Variants in MIA2 observed in about 807,000 individuals in gnomAD.
MIA2 encodes MIA SH3 domain ER export factor 2.
In MIA2, 127 loss-of-function variants were observed where a neutral mutation model predicts 167.8. The ratio of observed to expected loss-of-function variants is 0.76; its 90% CI spans 0.66 to 0.88. The LOEUF (loss-of-function observed/expected upper bound fraction) is 0.88. MIA2 is among the 40% of genes least tolerant of loss of function. MIA2 has a pLI of 0.00. For synonymous variants in MIA2, 552 were observed against 541.9 expected (o/e 1.02, Z -0.26); for missense variants, 1,690 against 1,624.7 (o/e 1.04, Z -0.69).
rs1354224096 is a variant in MIA2, at chr14:39,246,896, A to AT, written c.337-9dup. On this transcript the variant is annotated splice_polypyrimidine_tract_variant and intron_variant, in intron 3 of 28. Coordinates refer to ENST00000640607, the MANE Select transcript of MIA2 (RefSeq NM_001329214.4). ...GTACATTCATGTTAATCATATATATATTTTTTCCTTTTAGGAATCTGACTT... is the reference window on the plus strand; with the variant it reads ...GTACATTCATGTTAATCATATATATATTTTTTTCCTTTTAGGAATCTGACTT... 3 of 1,391,142 alleles carry AT rather than the reference A, an allele frequency of 2.2e-6. No individual in the cohort carries two copies. Among genetic ancestry groups the AT allele is most frequent in the Non-Finnish European group, 2.9e-6 (3 of 1,030,452 alleles). 86.2% of individuals were successfully genotyped at this position (1,391,142 alleles called of 1,614,324 possible). A position where few individuals can be genotyped will look rare whatever the true frequency, so the allele number is the denominator to read the frequency against.
chr14:39,283,184 ATGC>A (rs1768351536), intron 9 of MIA2, among the ~76,000 whole-genome samples: 1 of 152,240 alleles, frequency 6.6e-6, no homozygotes, highest in South Asian at 2.1e-4. Context: ...ACTGTGAATA[ATGC>A]TGCAGTGAAC....
chr14:39,300,590 T>G (rs2062228783), intron 14 of MIA2, among the ~76,000 whole-genome samples: 1 of 144,970 alleles, frequency 6.9e-6, no homozygotes, highest in Admixed American at 7.4e-5. Flanking sequence ...AAAGTGATGC[T>G]CTCACTCATA....
chr14:39,372,467 G>T (rs1595955919), intron 23 of MIA2, among the ~76,000 whole-genome samples: 1 of 152,292 alleles, frequency 6.6e-6, no homozygotes, highest in East Asian at 1.9e-4. Flanking sequence ...GTATATAATA[G>T]AAGTTCAGTT....
chr14:39,344,003 G>C (rs1198292681), intron 25 of MIA2, among the ~76,000 whole-genome samples: 2 of 151,910 alleles, frequency 1.3e-5, no homozygotes, highest in Admixed American at 1.3e-4. Context: ...CTTTTATTAA[G>C]ACATTAATCA....
At chr14:39,361,340 C>T (rs1159464850) in intron 23 of MIA2, among the ~76,000 whole-genome samples, 1 of 151,842 alleles carries the variant, frequency 6.6e-6, no homozygotes, top group African/African-American at 2.4e-5. Context: ...TGTAGTTTTC[C>T]TTGTGAAGGC....
chr14:39,247,279 A>AT lies in MIA2; in HGVS notation c.705_706insT (p.Glu236Ter). ...TTGGATTGGGAGGAGAACAAGCTGA[A>AT]GAGAAGGCTTTTGAATCAGTTATTG... On this transcript the variant is annotated frameshift_variant, in exon 4 of 29. Coordinates refer to ENST00000640607, the MANE Select transcript of MIA2 (RefSeq NM_001329214.4). LOFTEE classifies it high-confidence loss of function. 2 of 1,613,940 alleles carry AT rather than the reference A, an allele frequency of 1.2e-6. No individual in the cohort carries two copies. The highest frequency in any genetic ancestry group is 2.2e-5 in the South Asian group (2 of 91,018).
At chr14:39,288,983 T>A (rs1466771770) in intron 9 of MIA2, among the ~76,000 whole-genome samples, 1 of 152,210 alleles carries the variant, frequency 6.6e-6, no homozygotes, top group African/African-American at 2.4e-5. Context: ...GATGCTGGAC[T>A]CATAAAATGT....
At chr14:39,274,602 T>A (rs1210250297) in intron 6 of MIA2, among the ~76,000 whole-genome samples, 2 of 150,352 alleles carry the variant, frequency 1.3e-5, no homozygotes, top group African/African-American at 4.9e-5. Context: ...ATTTTTGTAT[T>A]TTTGGTAGAG....
At chr14:39,324,614 ATTTTTT>A in intron 24 of MIA2, among the ~76,000 whole-genome samples, 1 of 147,894 alleles carries the variant, frequency 6.8e-6, no homozygotes, top group East Asian at 2.0e-4. Context: ...TTTTTTTTTT[ATTTTTT>A]TTTTTTGAGA....
At chr14:39,310,998 A>G (rs2064141317) in intron 18 of MIA2, among the ~76,000 whole-genome samples, 1 of 152,214 alleles carries the variant, frequency 6.6e-6, no homozygotes, top group African/African-American at 2.4e-5. Flanking sequence ...GATTGAGGTG[A>G]AAGAAATATT....
Position 39,298,443 on chromosome 14 carries a change from A to ATGT in MIA2, c.2497-1421_2497-1420insTGT, listed in dbSNP as rs1372100362. On this transcript the variant is annotated intron_variant, in intron 13 of 28. Transcript: ENST00000640607. Reference sequence around the variant, plus strand: ...TATATATATATATATATATATATATAAAGATTAGTTTTTCATGTGTTCGGA... The same window carrying ATGT: ...TATATATATATATATATATATATATATGTAAGATTAGTTTTTCATGTGTTCGGA... Among the ~76,000 whole-genome samples the ATGT allele has an allele frequency of 3.1e-3, 154 of 50,030 alleles. 23 individuals carry two copies. Among genetic ancestry groups the ATGT allele is most frequent in the Middle Eastern group, 0.028 (3 of 106 alleles). 32.8% of individuals were successfully genotyped at this position (50,030 alleles called of 152,430 possible).
intron 9 of MIA2, among the ~76,000 whole-genome samples, chr14:39,286,480 C>T (rs191198188): frequency 4.1e-4 from 62 of 152,086 alleles, no homozygotes; most frequent in African/African-American, 1.3e-3. Context: ...TTCTAGATTT[C>T]GTTTTTGGCT....
At chr14:39,341,574 T>C (rs1306649354) in intron 25 of MIA2, among the ~76,000 whole-genome samples, 2 of 152,002 alleles carry the variant, frequency 1.3e-5, no homozygotes, top group African/African-American at 4.8e-5. Context: ...GGGTGGAGGG[T>C]AAGTGGAGGT....
Position 39,277,707 on chromosome 14 carries a change from TA to T in MIA2, c.2019+643del, listed in dbSNP as rs2058273756. On this transcript the variant is annotated intron_variant, in intron 7 of 28. Coordinates refer to ENST00000640607, the MANE Select transcript of MIA2 (RefSeq NM_001329214.4). The stretch of plus-strand genomic sequence containing the variant: ...ATATATGTGTGTATATATATATATA[TA>T]TATATATGTGTGTATATATATATAT... Among the ~76,000 whole-genome samples, 2 of 6,192 alleles carry T rather than the reference TA, an allele frequency of 3.2e-4. 1 individual carries two copies. The highest frequency in any genetic ancestry group is 5.5e-4 in the Non-Finnish European group (2 of 3,648). 4.1% of individuals were successfully genotyped at this position (6,192 alleles called of 152,430 possible).
chr14:39,337,775 T>C lies in MIA2; in HGVS notation c.3656-8129T>C, dbSNP rs977874912. Among the ~76,000 whole-genome samples, 4 of 152,130 alleles carry C rather than the reference T, an allele frequency of 2.6e-5. No individual in the cohort carries two copies. The South Asian group carries it at 6.2e-4, about 24-fold the overall frequency. ...CTCTGTCACCCAGGCTGGAGTGCTG[T>C]GGTGTAATCTCGGCTCACTGCAACC... On this transcript the variant is annotated intron_variant, in intron 25 of 28. Coordinates refer to ENST00000640607, the MANE Select transcript of MIA2 (RefSeq NM_001329214.4).
At chr14:39,355,061 T>G (rs1386970132), downstream of MIA2, among the ~76,000 whole-genome samples, 1 of 105,042 alleles carries the variant, frequency 9.5e-6, no homozygotes, top group Admixed American at 1.0e-4. Flanking sequence ...TGGTTCCATA[T>G]GAACTTTAAA....
At chr14:39,311,563 C>T (rs762938420) in intron 18 of MIA2, among the ~76,000 whole-genome samples, 13 of 149,850 alleles carry the variant, frequency 8.7e-5, no homozygotes, top group East Asian at 5.9e-4. Context: ...CCACAAGCTC[C>T]GCCTCCCGGG....
chr14:39,251,845 T>C (rs1409320331), intron 4 of MIA2, among the ~76,000 whole-genome samples: 1 of 152,174 alleles, frequency 6.6e-6, no homozygotes, highest in African/African-American at 2.4e-5. Flanking sequence ...ACAATTCACT[T>C]ACTACTCTTT....
At chr14:39,349,983 G>C (rs1463746002) in intron 28 of MIA2, 115 bp from the exon 29 acceptor site, 2 of 478,832 alleles carry the variant, frequency 4.2e-6, no homozygotes, top group Non-Finnish European at 7.6e-6. Flanking sequence ...TAATTATCTA[G>C]TGTCAATTTT....
Sources: gnomAD v4.1 joint callset for allele counts (sites outside exome capture counted in the v4.1 genomes callset) on GRCh38, gnomAD v4.1.1 for gene constraint, MANE v1.5 for transcripts, NCBI Gene and HGNC (gene_info 2026-07-23, HGNC 2026-07-21) for gene names.